UBE2R2: variants seen among roughly 807,000 people sequenced by gnomAD.
UBE2R2 encodes the protein ubiquitin-conjugating enzyme E2 R2.
UBE2R2 carries 1 observed loss-of-function variant against 27.8 expected under a neutral mutation model. That is an observed-to-expected ratio of 0.04 (90% CI 0.01 to 0.17). The LOEUF (loss-of-function observed/expected upper bound fraction) is 0.17. UBE2R2 is among the 10% of genes least tolerant of loss of function. The pLI is 1.00. For synonymous variants in UBE2R2, 106 were observed against 113.3 expected (o/e 0.94, Z 0.41); for missense variants, 100 against 291.0 (o/e 0.34, Z 4.78).
intron 1 of UBE2R2, among the ~76,000 whole-genome samples, chr9:33,859,795 TGTGTGAGAGAGAGA>T (rs750798482): frequency 0.011 from 894 of 82,128 alleles, 7 homozygotes; most frequent in South Asian, 0.072. Flanking sequence ...TGTGTGTGTG[TGTGTGAGAGAGAGA>T]GAGAGAGAGA....
intron 1 of UBE2R2, among the ~76,000 whole-genome samples, chr9:33,831,617 A>G (rs1820482870): frequency 6.6e-6 from 1 of 152,026 alleles, no homozygotes; most frequent in Non-Finnish European, 1.5e-5. Flanking sequence ...GGGTTTCACC[A>G]TGTTGGCCAG....
intron 3 of UBE2R2, among the ~76,000 whole-genome samples, chr9:33,904,530 A>G (rs1822310281): frequency 6.6e-6 from 1 of 152,208 alleles, no homozygotes; most frequent in South Asian, 2.1e-4. Flanking sequence ...CTCAATGGAC[A>G]TATTTATAAC....
intron 1 of UBE2R2, among the ~76,000 whole-genome samples, chr9:33,865,574 A>G (rs924987086): frequency 6.6e-6 from 1 of 152,186 alleles, no homozygotes; most frequent in Non-Finnish European, 1.5e-5. Context: ...ACTGTGGAAG[A>G]TGAGGATTTC....
chr9:33,830,771 GAAAAA>G (rs370816652), intron 1 of UBE2R2, among the ~76,000 whole-genome samples: 1 of 136,212 alleles, frequency 7.3e-6, no homozygotes, highest in Non-Finnish European at 1.6e-5. Flanking sequence ...CCTCTCAAAG[GAAAAA>G]AAAAAAAAAG....
chr9:33,841,896 C>A (rs1319307853), intron 1 of UBE2R2, among the ~76,000 whole-genome samples: 1 of 152,064 alleles, frequency 6.6e-6, no homozygotes, highest in Non-Finnish European at 1.5e-5. Context: ...TAAATTGTTT[C>A]ATGTATGCTG....
At chr9:33,845,727 G>C (rs1820829417) in intron 1 of UBE2R2, among the ~76,000 whole-genome samples, 2 of 152,040 alleles carry the variant, frequency 1.3e-5, no homozygotes, top group Non-Finnish European at 2.9e-5. Flanking sequence ...AATTTTCTAG[G>C]CCGGGTACAG....
At chr9:33,863,436 CG>C (rs1821290690) in intron 1 of UBE2R2, among the ~76,000 whole-genome samples, 2 of 150,658 alleles carry the variant, frequency 1.3e-5, no homozygotes, top group Admixed American at 1.3e-4. Flanking sequence ...CGCCTGAACC[CG>C]GGAGGCAGAG....
intron 1 of UBE2R2, among the ~76,000 whole-genome samples, chr9:33,838,010 C>A (rs1462078870): frequency 6.6e-6 from 1 of 151,938 alleles, no homozygotes; most frequent in Non-Finnish European, 1.5e-5. Flanking sequence ...ATATATAAGC[C>A]ATTATTTACA....
intron 2 of UBE2R2, among the ~76,000 whole-genome samples, chr9:33,889,379 T>A (rs1241234987): frequency 6.6e-6 from 1 of 152,094 alleles, no homozygotes; most frequent in Non-Finnish European, 1.5e-5. Flanking sequence ...TCTTTTTTTT[T>A]ATTTTTAGTA....
chr9:33,865,807 C>T lies in UBE2R2; in HGVS notation c.178-21074C>T, dbSNP rs149422992. ...GCTGGAATTCCTCTTCATCCCTCCACATTTAGTTTTTTTGTGTGTTTTTTT... is the reference window on the plus strand; with the variant it reads ...GCTGGAATTCCTCTTCATCCCTCCATATTTAGTTTTTTTGTGTGTTTTTTT... On this transcript the variant is annotated intron_variant, in intron 1 of 4. Coordinates refer to ENST00000263228, the MANE Select transcript of UBE2R2 (RefSeq NM_017811.4). Among the ~76,000 whole-genome samples the T allele has an allele frequency of 2.7e-4, 41 of 151,216 alleles. 1 individual carries two copies. Among genetic ancestry groups the T allele is most frequent in the African/African-American group, 9.5e-4 (39 of 41,228 alleles).
chr9:33,917,556 G>A lies in UBE2R2; in HGVS notation c.*319G>A, dbSNP rs1368247122. The A allele has an allele frequency of 1.8e-5, 9 of 492,886 alleles. No homozygotes were observed. Among genetic ancestry groups the A allele is most frequent in the Middle Eastern group, 5.1e-4 (1 of 1,948 alleles). 30.5% of individuals were successfully genotyped at this position (492,886 alleles called of 1,614,324 possible). A position where few individuals can be genotyped will look rare whatever the true frequency, so the allele number is the denominator to read the frequency against. ...CTACAGAATGTTCACAGCAAAACAC[G>A]TTTGGTCTGTTTTTAGATTCTTGAA... On this transcript the variant is annotated 3_prime_UTR_variant, in exon 5 of 5. Coordinates refer to ENST00000263228, the MANE Select transcript of UBE2R2 (RefSeq NM_017811.4).
intron 1 of UBE2R2, among the ~76,000 whole-genome samples, chr9:33,886,653 TAAAAAAAAAA>T (rs11404304): frequency 6.7e-5 from 8 of 118,718 alleles, no homozygotes; most frequent in Non-Finnish European, 1.2e-4. Flanking sequence ...GACTCCGTCT[TAAAAAAAAAA>T]AAAAAAAAAA....
intron 1 of UBE2R2, among the ~76,000 whole-genome samples, chr9:33,884,198 A>ATCTCTCTATCTCTCTC (rs1821798539): frequency 1.6e-5 from 1 of 63,442 alleles, no homozygotes; most frequent in Non-Finnish European, 3.0e-5. Context: ...CAACTTAAGA[A>ATCTCTCTATCTCTCTC]TCTCTCTCTC....
chr9:33,837,742 CAG>C (rs1820646617), intron 1 of UBE2R2, among the ~76,000 whole-genome samples: 1 of 151,954 alleles, frequency 6.6e-6, no homozygotes, highest in Non-Finnish European at 1.5e-5. Context: ...TTAATAGAGA[CAG>C]TGTCTCAATA....
chr9:33,821,793 A>G (rs1409864287), intron 1 of UBE2R2, among the ~76,000 whole-genome samples: 6 of 151,150 alleles, frequency 4.0e-5, no homozygotes, highest in Admixed American at 1.3e-4. Context: ...TTCTTTTTGT[A>G]TTTTTAGTAG....
At chr9:33,865,605 A>G (rs1226787159) in intron 1 of UBE2R2, among the ~76,000 whole-genome samples, 1 of 152,122 alleles carries the variant, frequency 6.6e-6, no homozygotes, top group African/African-American at 2.4e-5. Context: ...GTAACACCCC[A>G]TCCCATAAAC....
chr9:33,900,110 C>A, intron 2 of UBE2R2, 64 bp from the exon 3 acceptor site: 1 of 1,301,384 alleles, frequency 7.7e-7, no homozygotes, highest in Non-Finnish European at 1.1e-6. Flanking sequence ...AACTTTAGAA[C>A]CGATGTCCCT....
At chr9:33,837,290 C>T (rs1820634765) in intron 1 of UBE2R2, among the ~76,000 whole-genome samples, 1 of 151,964 alleles carries the variant, frequency 6.6e-6, no homozygotes, top group Non-Finnish European at 1.5e-5. Flanking sequence ...GCGATCAAGG[C>T]TCACTGCAGC....
intron 3 of UBE2R2, among the ~76,000 whole-genome samples, chr9:33,904,285 T>G (rs552358655): frequency 1.3e-5 from 2 of 152,304 alleles, no homozygotes; most frequent in African/African-American, 4.8e-5. Context: ...ATTTTCCTTC[T>G]TGTACCTCTC....
Sources: allele counts gnomAD v4.1 joint callset (sites outside exome capture counted in the v4.1 genomes callset), GRCh38; gene constraint gnomAD v4.1.1; transcripts MANE v1.5; gene names NCBI Gene and HGNC (gene_info 2026-07-23, HGNC 2026-07-21).